Variants in C15orf61 observed in about 807,000 individuals in gnomAD.
C15orf61 encodes the protein chromosome 15 open reading frame 61.
A neutral mutation model predicts 13.7 loss-of-function variants in C15orf61; 12 were observed. The ratio of observed to expected loss-of-function variants is 0.88; its 90% CI spans 0.56 to 1.42. The LOEUF is 1.42. C15orf61 is among the 40% of genes most tolerant of loss of function. The pLI, the probability that C15orf61 is intolerant of heterozygous loss-of-function variation, is 0.00. For missense variants in C15orf61, 248 were observed against 213.2 expected (o/e 1.16, Z -1.02); for synonymous variants, 92 against 94.1 (o/e 0.98, Z 0.13).
intron 1 of C15orf61, among the ~76,000 whole-genome samples, chr15:67,524,837 GT>G (rs374398669): frequency 9.1e-4 from 112 of 122,784 alleles, no homozygotes; most frequent in Middle Eastern, 4.4e-3. Flanking sequence ...TTTTTTGTTT[GT>G]TTTTTTTTTT....
rs756035919 is a variant in C15orf61 at position 67,527,358 on chromosome 15, A to C, written c.*813A>C. ...TATTGGCAATAAGGAGTGGGCTGAAATTTTAAAGACCTAATGGCACTTTTG... is the reference window on the plus strand; with the variant it reads ...TATTGGCAATAAGGAGTGGGCTGAACTTTTAAAGACCTAATGGCACTTTTG... On this transcript the variant is annotated 3_prime_UTR_variant, in exon 2 of 2. Transcript: ENST00000342683. 2.7e-4 allele frequency: 41 copies of C among 152,160 alleles called. No homozygotes were observed. The highest frequency in any genetic ancestry group is 4.6e-4 in the Non-Finnish European group (31 of 68,000). The allele number at this position is 152,160 out of a possible 1,614,324, so 9.4% of individuals were successfully genotyped here. A position where few individuals can be genotyped will look rare whatever the true frequency, so the allele number is the denominator to read the frequency against.
rs2084194359 is a variant in C15orf61 at position 67,525,646 on chromosome 15, G to C, written c.347-772G>C. On this transcript the variant is annotated intron_variant, in intron 1 of 1. Transcript: ENST00000342683. This position sits in a 1 kb window ranked among gnomAD's most constrained non-coding sequence, Gnocchi z 4.9. ...GTTAGGTTTTGCTTTAGATTTTAAA[G>C]ACAGCTCTTTGACCGAGCTTCTTTT... is the stretch of plus-strand genomic sequence containing the variant. 6.6e-6 allele frequency among the ~76,000 whole-genome samples: 1 copy of C among 152,136 alleles called. No individual in the cohort carries two copies.
chr15:67,521,877 C>A (rs1391918940), intron 1 of C15orf61: 2 of 643,718 alleles, frequency 3.1e-6, no homozygotes, highest in Non-Finnish European at 2.8e-6. Flanking sequence ...CCAGAGTAGA[C>A]CCCTGGCCTG....
Position 67,526,615 on chromosome 15 carries a change from C to T in C15orf61, c.*70C>T. 1.5e-6 allele frequency: 2 copies of T among 1,328,636 alleles called. No individual in the cohort carries two copies. Among genetic ancestry groups the T allele is most frequent in the Non-Finnish European group, 2.0e-6 (2 of 1,014,032 alleles). 82.3% of individuals were successfully genotyped at this position (1,328,636 alleles called of 1,614,324 possible). On this transcript the variant is annotated 3_prime_UTR_variant, in exon 2 of 2. Transcript: ENST00000342683. ...TATATGTGCAGTATTTATTTTTGAT[C>T]CTTTAAAATAAAACTTTTGCAAATA...
chr15:67,525,094 C>A lies in C15orf61; in HGVS notation c.347-1324C>A, dbSNP rs1333076016. Among the ~76,000 whole-genome samples, 1 of 152,192 alleles carries A rather than the reference C, an allele frequency of 6.6e-6. No homozygotes were observed. Among genetic ancestry groups the A allele is most frequent in the Non-Finnish European group, 1.5e-5 (1 of 68,034 alleles). ...CAGGTGATCCGCCTGCTTCGGCCTCCCAAAGTGCTGGGATTACAGGCGTGA... is the reference window on the plus strand; with the variant it reads ...CAGGTGATCCGCCTGCTTCGGCCTCACAAAGTGCTGGGATTACAGGCGTGA... On this transcript the variant is annotated intron_variant, in intron 1 of 1. Coordinates refer to ENST00000342683, the MANE Select transcript of C15orf61 (RefSeq NM_001143936.2). The surrounding 1 kb of genome is among the most constrained non-coding windows in gnomAD (Gnocchi z 4.9).
In C15orf61 at chr15:67,526,516, A is replaced by G. The variant is rs1018443968; in HGVS notation, c.445A>G (p.Asn149Asp). Reference sequence around the variant, plus strand: ...TGGACCCATAACAGTTTATTTTCTCAATAAAGAAGATGAAGGTGCCATGTA... The same window carrying G: ...TGGACCCATAACAGTTTATTTTCTCGATAAAGAAGATGAAGGTGCCATGTA... ...SYGPITVYFL[N>D]KEDEGAMY Residue 149 changes from asparagine to aspartate, a missense_variant, in exon 2 of 2, where the codon AAT (asparagine) becomes GAT (aspartate). By Grantham distance (23) the Asn-to-Asp change is conservative. Transcript: ENST00000342683. 6.5e-7 allele frequency: 1 copy of G among 1,537,780 alleles called. No individual in the cohort carries two copies. The highest frequency in any genetic ancestry group is 2.0e-5 in the Admixed American group (1 of 48,986).
rs1440803431 is a variant in C15orf61 at position 67,528,491 on chromosome 15, A to C, written c.*1946A>C. The stretch of plus-strand genomic sequence containing the variant: ...CTTACGGAGTTGATCATGGTGAAGG[A>C]TGAACTAACTCAACAATGGGTAAAG... On this transcript the variant is annotated 3_prime_UTR_variant, in exon 2 of 2. Transcript: ENST00000342683. 1 of 152,254 alleles carries C rather than the reference A, an allele frequency of 6.6e-6. No homozygotes were observed. The highest frequency in any genetic ancestry group is 2.4e-5 in the African/African-American group (1 of 41,480). 9.4% of individuals were successfully genotyped at this position (152,254 alleles called of 1,614,324 possible). A position where few individuals can be genotyped will look rare whatever the true frequency, so the allele number is the denominator to read the frequency against.
rs2084157295 is a variant in C15orf61, at chr15:67,521,254, G to A, written c.6G>A (p.Glu2=). 3 of 1,326,486 alleles carry A rather than the reference G, an allele frequency of 2.3e-6. No individual in the cohort carries two copies. The highest frequency in any genetic ancestry group is 1.5e-5 in the African/African-American group (1 of 65,082). 82.2% of individuals were successfully genotyped at this position (1,326,486 alleles called of 1,614,324 possible). A position where few individuals can be genotyped will look rare whatever the true frequency, so the allele number is the denominator to read the frequency against. M[E]ALRRAHEVAL... ...CGTCCCCGGCGCGGCGGGCCATGGA[G>A]GCCCTGAGGAGGGCCCACGAGGTCG... The change falls in exon 1 of 2, where the codon GAG becomes GAA. Residue 2 remains glutamate, a synonymous_variant. Coordinates refer to ENST00000342683, the MANE Select transcript of C15orf61 (RefSeq NM_001143936.2).
intron 1 of C15orf61, 75 bp downstream of exon 1, chr15:67,521,669 C>G: frequency 7.5e-7 from 1 of 1,331,256 alleles, no homozygotes; most frequent in Non-Finnish European, 1.0e-6. Flanking sequence ...GAGCACGTGA[C>G]GAACGCTCGC....
At chr15:67,523,127 TAA>T (rs2140927363) in intron 1 of C15orf61, among the ~76,000 whole-genome samples, 1 of 152,234 alleles carries the variant, frequency 6.6e-6, no homozygotes, top group African/African-American at 2.4e-5. Flanking sequence ...AAAATGGGAG[TAA>T]GAGTTCTAAG....
chr15:67,527,551 AAGATTTAT>A lies in C15orf61; in HGVS notation c.*1007_*1014del, dbSNP rs1419171172. 3.3e-5 allele frequency: 5 copies of A among 152,174 alleles called. No homozygotes were observed. The highest frequency in any genetic ancestry group is 9.6e-5 in the African/African-American group (4 of 41,458). The allele number at this position is 152,174 out of a possible 1,614,324, so 9.4% of individuals were successfully genotyped here. ...TTAATTTCTAAACCAATGGGTGTTT[AAGATTTAT>A]GATCTCTCCCATAATTACAAACATA... On this transcript the variant is annotated 3_prime_UTR_variant, in exon 2 of 2. Transcript: ENST00000342683.
chr15:67,526,099 T>A (rs1194535012), intron 1 of C15orf61, among the ~76,000 whole-genome samples: 1 of 152,214 alleles, frequency 6.6e-6, no homozygotes, highest in Non-Finnish European at 1.5e-5. Context: ...AATTAATGAG[T>A]ATTCTTCTCC....
chr15:67,522,063 G>C (rs1469146935), intron 1 of C15orf61: 1 of 700,654 alleles, frequency 1.4e-6, no homozygotes, highest in East Asian at 2.7e-5. Flanking sequence ...ATGAATTCCC[G>C]GCAAGTTCGT....
At position 67,527,047 on chromosome 15, in the gene C15orf61, A is replaced by G. The variant is rs989253467; in HGVS notation, c.*502A>G. On this transcript the variant is annotated 3_prime_UTR_variant, in exon 2 of 2. Transcript: ENST00000342683. ...CCATTCAGCTGCCAGGATTGTAAATAGAAACGTTTTAAAGGCCTTGTGCCA... is the reference window on the plus strand; with the variant it reads ...CCATTCAGCTGCCAGGATTGTAAATGGAAACGTTTTAAAGGCCTTGTGCCA... The G allele has an allele frequency of 6.6e-6, 1 of 152,232 alleles. No individual in the cohort carries two copies. The highest frequency in any genetic ancestry group is 1.5e-5 in the Non-Finnish European group (1 of 68,038). The allele number at this position is 152,232 out of a possible 1,614,324, so 9.4% of individuals were successfully genotyped here.
intron 1 of C15orf61, chr15:67,522,093 GT>G: frequency 4.3e-6 from 3 of 701,706 alleles, no homozygotes; most frequent in Non-Finnish European, 7.8e-6. Context: ...AGCACCAAAG[GT>G]TTTCACCAGA....
In C15orf61 at chr15:67,526,629, C is replaced by A; in HGVS notation, c.*84C>A. 7.7e-7 allele frequency: 1 copy of A among 1,292,090 alleles called. No individual in the cohort carries two copies. Among genetic ancestry groups the A allele is most frequent in the Non-Finnish European group, 1.0e-6 (1 of 985,682 alleles). 80.0% of individuals were successfully genotyped at this position (1,292,090 alleles called of 1,614,324 possible). A position where few individuals can be genotyped will look rare whatever the true frequency, so the allele number is the denominator to read the frequency against. ...TTATTTTTGATCCTTTAAAATAAAA[C>A]TTTTGCAAATACTTTTTTCTTTCTA... On this transcript the variant is annotated 3_prime_UTR_variant, in exon 2 of 2. Transcript: ENST00000342683.
rs951795044 is a variant in C15orf61, at chr15:67,526,530, A to G, written c.459A>G (p.Glu153=). ...TTTATTTTCTCAATAAAGAAGATGA[A>G]GGTGCCATGTATTGAAAGTGTGCGT... ...ITVYFLNKED[E]GAMY is the part of the protein sequence containing the mutation. Residue 153 remains glutamate, a synonymous_variant, in exon 2 of 2, where the codon GAA becomes GAG. Transcript: ENST00000342683. 24 of 1,536,230 alleles carry G rather than the reference A, an allele frequency of 1.6e-5. No homozygotes were observed. Among genetic ancestry groups the G allele is most frequent in the Non-Finnish European group, 2.0e-5 (23 of 1,139,160 alleles).
At chr15:67,523,413 T>C (rs562585732) in intron 1 of C15orf61, among the ~76,000 whole-genome samples, 111 of 152,294 alleles carry the variant, frequency 7.3e-4, no homozygotes, top group African/African-American at 2.5e-3. Flanking sequence ...CATTTTTCCA[T>C]TTTGTAAATA....
At position 67,526,481 on chromosome 15, in the gene C15orf61, A is replaced by G; in HGVS notation, c.410A>G (p.His137Arg). The change falls in exon 2 of 2, where the codon CAT becomes CGT. Residue 137 changes from histidine (H) to arginine (R), a missense_variant. By Grantham distance (29) the His-to-Arg change is conservative. Transcript: ENST00000342683. Reference sequence around the variant, plus strand: ...TTTGCCAGAGTCACAGAGACTGTGCATACCAGTTATGGACCCATAACAGTT... The same window carrying G: ...TTTGCCAGAGTCACAGAGACTGTGCGTACCAGTTATGGACCCATAACAGTT... ...WLFARVTETV[H>R]TSYGPITVYF... 6.5e-7 allele frequency: 1 copy of G among 1,541,154 alleles called. No homozygotes were observed. Among genetic ancestry groups the G allele is most frequent in the South Asian group, 1.2e-5 (1 of 83,572 alleles).
Sources: allele counts gnomAD v4.1 joint callset (sites outside exome capture counted in the v4.1 genomes callset), GRCh38; gene constraint gnomAD v4.1.1; non-coding constraint Gnocchi (gnomAD v3.1); transcripts MANE v1.5; gene names NCBI Gene and HGNC (gene_info 2026-07-23, HGNC 2026-07-21).